CTNNA2: variants seen among roughly 807,000 people sequenced by gnomAD.
CTNNA2 encodes the protein catenin alpha-2.
CTNNA2 carries 42 observed loss-of-function variants against 101.0 expected under a neutral mutation model. The observed-to-expected ratio is 0.42, with a 90% CI of 0.32 to 0.54. The LOEUF (loss-of-function observed/expected upper bound fraction) is 0.54. Ranked by LOEUF, CTNNA2 falls within the 20% of genes least tolerant of loss-of-function variation. The probability of loss-of-function intolerance (pLI) is 0.14; values close to 1 mark genes in which losing one functional copy is unlikely to be tolerated. For synonymous variants in CTNNA2, 450 were observed against 456.4 expected (o/e 0.99, Z 0.18); for missense variants, 871 against 1,223.1 (o/e 0.71, Z 4.29).
intron 1 of CTNNA2, among the ~76,000 whole-genome samples, chr2:79,643,070 A>G (rs184052357): frequency 2.0e-5 from 3 of 152,098 alleles, no homozygotes; most frequent in Non-Finnish European, 2.9e-5. Context: ...ACACGCCTGT[A>G]GTCCAAGCTA....
chr2:79,452,332 TA>T (rs1295587989), intron 4 of CTNNA2, among the ~76,000 whole-genome samples: 2 of 151,820 alleles, frequency 1.3e-5, no homozygotes, highest in Admixed American at 1.3e-4. Context: ...CCACTAGACA[TA>T]TCTTCAGTGA....
intron 14 of CTNNA2, among the ~76,000 whole-genome samples, chr2:80,584,091 T>G (rs1207661924): frequency 6.6e-6 from 1 of 152,198 alleles, no homozygotes; most frequent in East Asian, 1.9e-4. Flanking sequence ...GAGGGTGCAT[T>G]GAATTGCTGA....
chr2:79,820,186 G>A (rs925979413), intron 3 of CTNNA2, among the ~76,000 whole-genome samples: 2 of 152,112 alleles, frequency 1.3e-5, no homozygotes, highest in Non-Finnish European at 2.9e-5. Flanking sequence ...AGTAATGAAG[G>A]CTATATGGTT....
chr2:79,425,683 G>T (rs1678585058), intron 4 of CTNNA2, among the ~76,000 whole-genome samples: 1 of 152,086 alleles, frequency 6.6e-6, no homozygotes, highest in Admixed American at 6.6e-5. Context: ...CCTGAGTTTT[G>T]GATGGGCCAC....
chr2:80,377,456 G>A (rs550696337), intron 7 of CTNNA2, among the ~76,000 whole-genome samples: 2 of 152,300 alleles, frequency 1.3e-5, no homozygotes, highest in Non-Finnish European at 2.9e-5. Flanking sequence ...TTCTGCAGAT[G>A]AGAACTGAGA....
intron 12 of CTNNA2, among the ~76,000 whole-genome samples, chr2:80,566,174 A>G (rs965023389): frequency 6.6e-6 from 1 of 152,198 alleles, no homozygotes; most frequent in Non-Finnish European, 1.5e-5. Context: ...TTAACTTGCC[A>G]CGTGGGCTTT....
intron 1 of CTNNA2, among the ~76,000 whole-genome samples, chr2:79,554,829 T>C (rs1033517001): frequency 1.3e-5 from 2 of 152,196 alleles, no homozygotes; most frequent in Admixed American, 6.5e-5. Flanking sequence ...AGTTTTCTTA[T>C]GTTTGTTTTC....
chr2:79,508,572 T>C (rs1450998933), upstream of CTNNA2, among the ~76,000 whole-genome samples: 4 of 152,140 alleles, frequency 2.6e-5, no homozygotes, highest in Non-Finnish European at 5.9e-5. Flanking sequence ...CAGATTCAAA[T>C]TGGTCAAAAG....
chr2:80,107,204 T>C (rs995320392), intron 7 of CTNNA2, among the ~76,000 whole-genome samples: 5 of 152,110 alleles, frequency 3.3e-5, no homozygotes, highest in Non-Finnish European at 7.4e-5. Flanking sequence ...TCTCTCCTGA[T>C]TGGTTCTTTC....
chr2:79,208,914 T>C (rs2104195860), intron 2 of CTNNA2, among the ~76,000 whole-genome samples: 1 of 152,312 alleles, frequency 6.6e-6, no homozygotes, highest in African/African-American at 2.4e-5. Flanking sequence ...ATCAGAGATA[T>C]GTGGTAGAAA....
chr2:79,679,852 C>G (rs975500869), intron 2 of CTNNA2, among the ~76,000 whole-genome samples: 57 of 152,162 alleles, frequency 3.7e-4, no homozygotes, highest in Non-Finnish European at 5.9e-5. Flanking sequence ...TGCGTCTTCT[C>G]CCCGATCCCC....
At chr2:79,868,468 A>G (rs1271727245) in intron 4 of CTNNA2, among the ~76,000 whole-genome samples, 1 of 152,226 alleles carries the variant, frequency 6.6e-6, no homozygotes, top group Non-Finnish European at 1.5e-5. Flanking sequence ...TGGTTTAGAT[A>G]CGTATTCTCT....
intron 3 of CTNNA2, among the ~76,000 whole-genome samples, chr2:79,334,586 A>T (rs949482092): frequency 6.6e-6 from 1 of 152,144 alleles, no homozygotes; most frequent in African/African-American, 2.4e-5. Flanking sequence ...TGTAATTCAC[A>T]AAGTAATGAA....
At chr2:80,537,437 C>T (rs1691138661) in intron 9 of CTNNA2, among the ~76,000 whole-genome samples, 1 of 152,080 alleles carries the variant, frequency 6.6e-6, no homozygotes, top group Non-Finnish European at 1.5e-5. Context: ...TGGGTATATA[C>T]CCAGTAATGG....
intron 2 of CTNNA2, among the ~76,000 whole-genome samples, chr2:79,724,902 T>G (rs1250909206): frequency 6.6e-6 from 1 of 151,330 alleles, no homozygotes; most frequent in African/African-American, 2.4e-5. Flanking sequence ...CATCAGCACG[T>G]CTACTCTGCG....
chr2:80,546,729 T>A (rs6708880), intron 11 of CTNNA2, among the ~76,000 whole-genome samples: 1 of 151,518 alleles, frequency 6.6e-6, no homozygotes, highest in Admixed American at 6.6e-5. Flanking sequence ...ACAGGACTCG[T>A]GGAGTCCATT....
chr2:80,552,212 G>A (rs1229544672), intron 11 of CTNNA2, among the ~76,000 whole-genome samples: 1 of 152,038 alleles, frequency 6.6e-6, no homozygotes, highest in Admixed American at 6.6e-5. Context: ...TTGAAATATT[G>A]CAACAATTGC....
At chr2:79,574,582 T>C (rs1302937030) in intron 1 of CTNNA2, among the ~76,000 whole-genome samples, 1 of 152,208 alleles carries the variant, frequency 6.6e-6, no homozygotes. Context: ...TATTACGTGG[T>C]ACGTATGTAC....
intron 3 of CTNNA2, among the ~76,000 whole-genome samples, chr2:79,806,290 T>C (rs1475099718): frequency 6.6e-6 from 1 of 152,044 alleles, no homozygotes; most frequent in East Asian, 1.9e-4. Flanking sequence ...AGGGAGCATA[T>C]TGGCATTTCA....
Sources: gnomAD v4.1 joint callset for allele counts (sites outside exome capture counted in the v4.1 genomes callset) on GRCh38, gnomAD v4.1.1 for gene constraint, MANE v1.5 for transcripts, NCBI Gene and HGNC (gene_info 2026-07-23, HGNC 2026-07-21) for gene names.